The following GPC5 variants were observed in gnomAD, a reference collection of about 807,000 sequenced individuals.
The protein encoded by GPC5 is glypican-5.
GPC5 carries 47 observed loss-of-function variants against 53.9 expected under a neutral mutation model. The observed-to-expected ratio is 0.87, with a 90% CI of 0.69 to 1.11. The LOEUF (loss-of-function observed/expected upper bound fraction) is 1.11, where lower values mean the gene tolerates loss of function less well. GPC5 is among the 50% of genes most tolerant of loss of function. GPC5 has a pLI of 0.00. For synonymous variants in GPC5, 286 were observed against 263.3 expected, an observed-to-expected ratio of 1.09 and a Z score of -0.84; for missense variants, 748 against 713.1, an observed-to-expected ratio of 1.05 and a Z score of -0.56.
At chr13:92,367,673 C>A (rs1489313394) in intron 7 of GPC5, among the ~76,000 whole-genome samples, 2 of 152,132 alleles carry the variant, frequency 1.3e-5, no homozygotes, top group Non-Finnish European at 2.9e-5. Context: ...AAATTTATAT[C>A]TTTATCTAAC....
chr13:91,821,349 C>G (rs536329167), intron 5 of GPC5, among the ~76,000 whole-genome samples: 1 of 152,192 alleles, frequency 6.6e-6, no homozygotes. Context: ...ACATCGTAAT[C>G]TGTCCTAGAC....
chr13:92,103,455 A>G (rs1359079109), intron 6 of GPC5, among the ~76,000 whole-genome samples: 2 of 152,198 alleles, frequency 1.3e-5, no homozygotes, highest in Non-Finnish European at 2.9e-5. Context: ...AAACAAACAT[A>G]CTTAAATTGT....
intron 7 of GPC5, among the ~76,000 whole-genome samples, chr13:92,859,857 A>G (rs1008093135): frequency 6.6e-6 from 1 of 152,170 alleles, no homozygotes; most frequent in Admixed American, 6.6e-5. Flanking sequence ...TCAAAAATCA[A>G]TAAAGCAAAC....
chr13:91,978,226 C>T (rs1472246228), intron 6 of GPC5, among the ~76,000 whole-genome samples: 1 of 152,206 alleles, frequency 6.6e-6, no homozygotes, highest in Non-Finnish European at 1.5e-5. Context: ...ATTTTGCCTC[C>T]TCAACATCAG....
At chr13:92,383,565 A>G (rs1373871001) in intron 7 of GPC5, among the ~76,000 whole-genome samples, 2 of 152,194 alleles carry the variant, frequency 1.3e-5, no homozygotes, top group Non-Finnish European at 2.9e-5. Context: ...CTCTTCTTGC[A>G]TTCTTTGATA....
At chr13:91,641,088 G>A (rs926738068) in intron 2 of GPC5, among the ~76,000 whole-genome samples, 1 of 152,192 alleles carries the variant, frequency 6.6e-6, no homozygotes, top group African/African-American at 2.4e-5. Flanking sequence ...AGCACTTTGG[G>A]AGGCCGAGGT....
At chr13:91,427,156 CCA>C (rs1216032337) in intron 1 of GPC5, among the ~76,000 whole-genome samples, 2 of 152,228 alleles carry the variant, frequency 1.3e-5, no homozygotes, top group Admixed American at 6.5e-5. Context: ...CTTGGAGCCC[CCA>C]CACAGAGTCT....
At chr13:92,512,488 T>C (rs1277640924) in intron 7 of GPC5, among the ~76,000 whole-genome samples, 1 of 151,978 alleles carries the variant, frequency 6.6e-6, no homozygotes, top group Non-Finnish European at 1.5e-5. Flanking sequence ...ATAAAAATAT[T>C]ATATATAAGA....
At chr13:91,715,275 TCTTA>T (rs1179773522) in intron 3 of GPC5, among the ~76,000 whole-genome samples, 1 of 152,222 alleles carries the variant, frequency 6.6e-6, no homozygotes, top group Non-Finnish European at 1.5e-5. Context: ...AAGTTCTGCC[TCTTA>T]CTTCACCAGG....
At chr13:91,653,956 T>C (rs1306045748) in intron 2 of GPC5, among the ~76,000 whole-genome samples, 1 of 152,144 alleles carries the variant, frequency 6.6e-6, no homozygotes, top group African/African-American at 2.4e-5. Flanking sequence ...TCGTGTCCCT[T>C]TGTCATTCTT....
intron 7 of GPC5, among the ~76,000 whole-genome samples, chr13:92,580,139 C>A (rs900423328): frequency 6.6e-6 from 1 of 152,106 alleles, no homozygotes; most frequent in African/African-American, 2.4e-5. Flanking sequence ...GGGGAAAATG[C>A]TGAGGGCAAA....
intron 6 of GPC5, among the ~76,000 whole-genome samples, chr13:92,083,645 T>A (rs1256523293): frequency 6.6e-6 from 1 of 152,238 alleles, no homozygotes; most frequent in Non-Finnish European, 1.5e-5. Context: ...GAGGTATTTT[T>A]ACATCATGTT....
intron 7 of GPC5, among the ~76,000 whole-genome samples, chr13:92,410,139 C>A (rs527671629): frequency 6.6e-6 from 1 of 151,928 alleles, no homozygotes; most frequent in Non-Finnish European, 1.5e-5. Flanking sequence ...AATGCTCAGA[C>A]GAAAATAAGC....
chr13:92,852,465 A>G (rs1878849199), intron 7 of GPC5, among the ~76,000 whole-genome samples: 1 of 152,216 alleles, frequency 6.6e-6, no homozygotes, highest in Non-Finnish European at 1.5e-5. Flanking sequence ...AAACAAATTT[A>G]TGACATAATT....
intron 5 of GPC5, among the ~76,000 whole-genome samples, chr13:91,893,237 C>G (rs1427085960): frequency 3.6e-4 from 54 of 151,998 alleles, no homozygotes; most frequent in Admixed American, 3.5e-3. Context: ...CAAATATAAT[C>G]CTGTCTGACC....
chr13:91,829,166 G>T (rs2038618658), intron 5 of GPC5, among the ~76,000 whole-genome samples: 1 of 152,110 alleles, frequency 6.6e-6, no homozygotes, highest in South Asian at 2.1e-4. Flanking sequence ...GACCTCTATG[G>T]CATTCTTGCC....
intron 3 of GPC5, among the ~76,000 whole-genome samples, chr13:91,712,366 G>GTA (rs955073902): frequency 1.3e-5 from 2 of 150,652 alleles, no homozygotes; most frequent in Admixed American, 6.6e-5. Flanking sequence ...ATATATGTGT[G>GTA]TATATATATG....
chr13:92,049,649 T>C (rs764030413), intron 6 of GPC5, among the ~76,000 whole-genome samples: 1 of 152,184 alleles, frequency 6.6e-6, no homozygotes, highest in Non-Finnish European at 1.5e-5. Context: ...ATTAGTATTA[T>C]GCAAATTAAT....
intron 7 of GPC5, among the ~76,000 whole-genome samples, chr13:92,680,772 AAGGT>A (rs1887087844): frequency 1.3e-5 from 2 of 152,190 alleles, no homozygotes; most frequent in African/African-American, 4.8e-5. Flanking sequence ...CCATCTTTAA[AAGGT>A]AGAGGAAAAT....
Sources: gnomAD v4.1 joint callset for allele counts (sites outside exome capture counted in the v4.1 genomes callset) on GRCh38, gnomAD v4.1.1 for gene constraint, MANE v1.5 for transcripts, NCBI Gene and HGNC (gene_info 2026-07-23, HGNC 2026-07-21) for gene names.